The following CDIN1 variants were observed in gnomAD, a reference collection of about 807,000 sequenced individuals.
The protein encoded by CDIN1 is CDAN1 interacting nuclease 1, also known as CDAN1-interacting nuclease 1.
In CDIN1, 33 loss-of-function variants were observed where a neutral mutation model predicts 45.3. The ratio of observed to expected loss-of-function variants is 0.73; its 90% confidence interval spans 0.55 to 0.97. The LOEUF is 0.97. Ranked by LOEUF, CDIN1 falls within the 50% of genes least tolerant of loss-of-function variation. CDIN1 has a pLI of 0.00. For missense variants in CDIN1, 303 were observed against 339.4 expected (o/e 0.89, Z 0.84); for synonymous variants, 118 against 124.4 (o/e 0.95, Z 0.34).
chr15:36,764,375 A>T (rs527733704), intron 10 of CDIN1, among the ~76,000 whole-genome samples: 5 of 152,322 alleles, frequency 3.3e-5, no homozygotes, highest in African/African-American at 1.2e-4. Context: ...GTCTAGTAAC[A>T]TGTAAACAAA....
chr15:36,751,229 T>TATATATATATATATATATATATA (rs1555404178), intron 10 of CDIN1, among the ~76,000 whole-genome samples: 14 of 97,570 alleles, frequency 1.4e-4, no homozygotes, highest in South Asian at 4.1e-4. Context: ...TATGCTTATT[T>TATATATATATATATATATATATA]TATATATATA....
At chr15:36,622,806 C>T (rs545670396) in intron 1 of CDIN1, among the ~76,000 whole-genome samples, 17 of 152,214 alleles carry the variant, frequency 1.1e-4, no homozygotes, top group Non-Finnish European at 2.2e-4. Context: ...GGGCAGGGAG[C>T]ACTTCCCCAG....
At chr15:36,592,893 C>T (rs940862269) in intron 1 of CDIN1, among the ~76,000 whole-genome samples, 4 of 152,090 alleles carry the variant, frequency 2.6e-5, no homozygotes, top group African/African-American at 9.7e-5. Context: ...TCTAGTGGTA[C>T]ACCCGAGGGT....
intron 10 of CDIN1, among the ~76,000 whole-genome samples, chr15:36,737,052 C>A (rs998184114): frequency 2.9e-4 from 44 of 151,934 alleles, no homozygotes; most frequent in African/African-American, 1.0e-3. Context: ...CCTGTAATCC[C>A]AGCTACTTGG....
chr15:36,606,650 C>T (rs1444219774), intron 1 of CDIN1, among the ~76,000 whole-genome samples: 1 of 152,166 alleles, frequency 6.6e-6, no homozygotes, highest in African/African-American at 2.4e-5. Context: ...TCTCCCACAG[C>T]AGTTCTGTAT....
chr15:36,581,352 A>C (rs2037034524), intron 1 of CDIN1, among the ~76,000 whole-genome samples: 2 of 152,078 alleles, frequency 1.3e-5, no homozygotes, highest in Non-Finnish European at 2.9e-5. Flanking sequence ...TTCTCTAGCA[A>C]ATACCTTGTC....
chr15:36,673,111 G>A (rs11858026), intron 5 of CDIN1, among the ~76,000 whole-genome samples: 66,979 of 151,806 alleles, frequency 0.44, 15,110 homozygotes, highest in East Asian at 0.64. Flanking sequence ...CTGGGGAAAA[G>A]TATCAGCACT....
At chr15:36,718,608 TTAA>T (rs1183641991) in intron 10 of CDIN1, among the ~76,000 whole-genome samples, 1 of 152,078 alleles carries the variant, frequency 6.6e-6, no homozygotes, top group Non-Finnish European at 1.5e-5. Flanking sequence ...TTCATAGTTC[TTAA>T]TAATATTAGT....
chr15:36,805,077 T>C (rs2055183855), intron 10 of CDIN1, among the ~76,000 whole-genome samples: 1 of 152,128 alleles, frequency 6.6e-6, no homozygotes. Flanking sequence ...TCACCTCCCA[T>C]TTTTTCAAGG....
At chr15:36,721,786 C>CTCTG (rs763829536) in intron 10 of CDIN1, among the ~76,000 whole-genome samples, 5 of 152,026 alleles carry the variant, frequency 3.3e-5, no homozygotes, top group African/African-American at 1.2e-4. Flanking sequence ...CTCTCTCTCT[C>CTCTG]TCTGTCTGTC....
rs899989789 is a variant in CDIN1, at chr15:36,804,281, C to T, written c.717-4043C>T. Among the ~76,000 whole-genome samples the T allele has an allele frequency of 5.9e-5, 9 of 152,082 alleles. 1 individual carries two copies. The highest frequency in any genetic ancestry group is 1.9e-4 in the African/African-American group (8 of 41,420). The stretch of plus-strand genomic sequence containing the variant: ...TGTAACTATATTATTTTCACTATAA[C>T]CTGTAAGTATGCCACTAGTGTGCTC... On this transcript the variant is annotated intron_variant, in intron 10 of 10. Transcript: ENST00000566621.
intron 8 of CDIN1, chr15:36,704,912 C>T (rs2042806279): frequency 6.6e-6 from 1 of 151,906 alleles, no homozygotes; most frequent in Non-Finnish European, 1.5e-5. Context: ...CTTGGTGGAC[C>T]TCATGTCCCC....
intron 10 of CDIN1, chr15:36,798,874 G>C (rs925851546): frequency 1.3e-5 from 2 of 152,168 alleles, no homozygotes; most frequent in Non-Finnish European, 2.9e-5. Flanking sequence ...GAAATGGAAA[G>C]TTCAGAAATC....
intron 10 of CDIN1, among the ~76,000 whole-genome samples, chr15:36,751,231 A>T (rs1277032133): frequency 2.2e-4 from 13 of 58,432 alleles, no homozygotes; most frequent in South Asian, 4.5e-4. Context: ...TGCTTATTTT[A>T]TATATATATA....
chr15:36,723,518 C>T (rs745799075), intron 10 of CDIN1, among the ~76,000 whole-genome samples: 2 of 152,074 alleles, frequency 1.3e-5, no homozygotes, highest in Non-Finnish European at 2.9e-5. Flanking sequence ...CCCTAATTAC[C>T]TTTCATTGGT....
At chr15:36,592,005 A>C (rs2037597893) in intron 1 of CDIN1, 1 of 152,208 alleles carries the variant, frequency 6.6e-6, no homozygotes, top group African/African-American at 2.4e-5. Flanking sequence ...TATGCCAGCC[A>C]TCCAGTGCCA....
At chr15:36,635,347 A>C (rs2039853272) in intron 1 of CDIN1, among the ~76,000 whole-genome samples, 1 of 152,214 alleles carries the variant, frequency 6.6e-6, no homozygotes, top group Non-Finnish European at 1.5e-5. Flanking sequence ...CTTGAACAAC[A>C]TGGGTTTGAA....
Position 36,809,171 on chromosome 15 carries a change from GA to G in CDIN1, c.*721del, listed in dbSNP as rs1160410741. 7 of 309,754 alleles carry G rather than the reference GA, an allele frequency of 2.3e-5. No individual in the cohort carries two copies. In the Admixed American group the frequency reaches 3.1e-4, roughly 14 times the overall value. 19.2% of individuals were successfully genotyped at this position (309,754 alleles called of 1,614,324 possible). Reference sequence around the variant, plus strand: ...CACATATTTTAGATTTATCTTATTTGAAAGTATTAGTTCCATTGTGCCTGGA... The same window carrying G: ...CACATATTTTAGATTTATCTTATTTGAAGTATTAGTTCCATTGTGCCTGGA... On this transcript the variant is annotated 3_prime_UTR_variant, in exon 11 of 11. Transcript: ENST00000566621.
intron 8 of CDIN1, chr15:36,706,504 T>C (rs1034319720): frequency 2.1e-5 from 3 of 141,868 alleles, no homozygotes; most frequent in Non-Finnish European, 4.6e-5. Context: ...TCCCAGCTAC[T>C]TGAAAGGCTG....
Sources: gnomAD v4.1 joint callset for allele counts (sites outside exome capture counted in the v4.1 genomes callset) on GRCh38, gnomAD v4.1.1 for gene constraint, MANE v1.5 for transcripts, NCBI Gene and HGNC (gene_info 2026-07-23, HGNC 2026-07-21) for gene names.